The following KLHL13 variants were observed in gnomAD, a reference collection of about 807,000 sequenced individuals.
KLHL13 encodes kelch-like protein 13.
In KLHL13, 10 loss-of-function variants were observed where a neutral mutation model predicts 37.1. The ratio of observed to expected loss-of-function variants is 0.27; its 90% CI spans 0.17 to 0.46. KLHL13 has a LOEUF of 0.46. Ranked by LOEUF, KLHL13 falls within the 20% of genes least tolerant of loss-of-function variation. The pLI, the probability that KLHL13 is intolerant of heterozygous loss-of-function variation, is 1.00. For missense variants in KLHL13, 360 were observed against 509.3 expected, an observed-to-expected ratio of 0.71 and a Z score of 2.82; for synonymous variants, 163 against 181.2, an observed-to-expected ratio of 0.90 and a Z score of 0.81.
intron 1 of KLHL13, among the ~76,000 whole-genome samples, chrX:118,099,495 C>T (rs943885171): frequency 9.0e-6 from 1 of 111,371 alleles, no homozygotes; most frequent in African/African-American, 3.3e-5. Context: ...TGAGTTAAGT[C>T]CAAGTGTACA....
In KLHL13 at chrX:118,006,197, T is replaced by C. The variant is rs567102872; in HGVS notation, c.-55-60622A>G. 1.4e-4 allele frequency among the ~76,000 whole-genome samples: 16 copies of C among 111,922 alleles called. No homozygotes were observed. In the South Asian group the frequency reaches 1.5e-3, roughly 10 times the overall value. On this transcript the variant is annotated intron_variant, in intron 1 of 6. Coordinates refer to the KLHL13 transcript ENST00000371882. ...TATTTAGATAAGAGGGAAAGTATTTTACATACAAAAATGGTGGTAAAGGCT... is the reference window on the plus strand; with the variant it reads ...TATTTAGATAAGAGGGAAAGTATTTCACATACAAAAATGGTGGTAAAGGCT...
chrX:117,958,980 T>C (rs774730010), intron 1 of KLHL13, among the ~76,000 whole-genome samples: 39 of 111,982 alleles, frequency 3.5e-4, no homozygotes, highest in Middle Eastern at 4.6e-3. Context: ...TCTGCAGGGC[T>C]GGATCAGCAA....
intron 1 of KLHL13, among the ~76,000 whole-genome samples, chrX:118,082,977 A>G (rs2055013012): frequency 1.8e-5 from 2 of 111,748 alleles, no homozygotes; most frequent in East Asian, 2.8e-4. Flanking sequence ...TTATGCCAGT[A>G]CCGTGCTGTT....
chrX:118,010,914 A>C (rs1338101158), intron 1 of KLHL13, among the ~76,000 whole-genome samples: 1 of 107,896 alleles, frequency 9.3e-6, no homozygotes, highest in Non-Finnish European at 1.9e-5. Context: ...TTCTAAAAAA[A>C]ATACAAAAAT....
At chrX:118,106,406 C>T (rs780161409) in intron 1 of KLHL13, among the ~76,000 whole-genome samples, 2 of 111,392 alleles carry the variant, frequency 1.8e-5, no homozygotes, top group African/African-American at 6.5e-5. Context: ...AAGGTTTGAG[C>T]TAATGACCTA....
rs34324030 is a variant in KLHL13 at position 117,909,941 on chromosome X, G to A, written c.726C>T (p.Phe242=). Reference sequence around the variant, plus strand: ...GCTTAAGGCTATTACTGGAAAGCACGAAGGCAAGACGCTCAAAAGGGAGTT... The same window carrying A: ...GCTTAAGGCTATTACTGGAAAGCACAAAGGCAAGACGCTCAAAAGGGAGTT... The change falls in exon 5 of 7, where the codon TTC becomes TTT. Residue 242 remains phenylalanine (F), a synonymous_variant. Coordinates refer to ENST00000262820, the Ensembl canonical transcript of KLHL13. The A allele has an allele frequency of 2.1e-3, 2,567 of 1,210,069 alleles. 31 individuals carry two copies. The African/African-American group carries it at 0.04, about 19-fold the overall frequency.
At chrX:118,089,542 T>G (rs2055093703) in intron 1 of KLHL13, among the ~76,000 whole-genome samples, 1 of 100,736 alleles carries the variant, frequency 9.9e-6, no homozygotes, top group Non-Finnish European at 2.0e-5. Context: ...ACAGAAAGTT[T>G]CATTCATAGG....
intron 1 of KLHL13, among the ~76,000 whole-genome samples, chrX:118,092,870 C>T (rs1415267131): frequency 9.0e-6 from 1 of 111,714 alleles, no homozygotes; most frequent in Admixed American, 9.5e-5. Flanking sequence ...GACAGGTACC[C>T]AGGACCTCTC....
At chrX:118,002,596 AAATAAATAAAT>A (rs2053936777) in intron 1 of KLHL13, among the ~76,000 whole-genome samples, 1 of 43,136 alleles carries the variant, frequency 2.3e-5, no homozygotes, top group Non-Finnish European at 4.1e-5. Context: ...TCTGTCTCGA[AAATAAATAAAT>A]AAATAAATAA....
At chrX:118,033,569 C>G (rs192210646) in intron 1 of KLHL13, among the ~76,000 whole-genome samples, 2 of 110,228 alleles carry the variant, frequency 1.8e-5, no homozygotes, top group African/African-American at 6.6e-5. Context: ...CAGGCCTGCC[C>G]TAAAACAGAT....
At chrX:118,032,001 A>T (rs1262996502) in intron 1 of KLHL13, among the ~76,000 whole-genome samples, 1 of 110,857 alleles carries the variant, frequency 9.0e-6, no homozygotes, top group Non-Finnish European at 1.9e-5. Context: ...AGAAAATCGC[A>T]TCACTCCCAC....
At chrX:117,956,309 G>A (rs185475231) in intron 1 of KLHL13, among the ~76,000 whole-genome samples, 2 of 111,609 alleles carry the variant, frequency 1.8e-5, no homozygotes, top group African/African-American at 6.5e-5. Context: ...GATTTGGGGA[G>A]GGGCTATTCC....
chrX:118,070,735 T>C (rs2054850578), intron 1 of KLHL13, among the ~76,000 whole-genome samples: 1 of 102,576 alleles, frequency 9.7e-6, no homozygotes, highest in Admixed American at 1.0e-4. Flanking sequence ...TTTTTTTTAA[T>C]TTTTAAATAT....
At chrX:117,966,140 G>T (rs2053424757) in intron 1 of KLHL13, among the ~76,000 whole-genome samples, 1 of 111,808 alleles carries the variant, frequency 8.9e-6, no homozygotes, top group Non-Finnish European at 1.9e-5. Flanking sequence ...CAACATGATT[G>T]TATATCTAGA....
intron 1 of KLHL13, among the ~76,000 whole-genome samples, chrX:118,021,675 T>C (rs1334019115): frequency 1.8e-5 from 2 of 109,543 alleles, no homozygotes; most frequent in Admixed American, 9.6e-5. Flanking sequence ...GTCTTTGCTA[T>C]TGTGAATAGT....
intron 1 of KLHL13, among the ~76,000 whole-genome samples, chrX:118,052,341 G>C (rs1251218494): frequency 5.6e-5 from 4 of 71,157 alleles, no homozygotes; most frequent in Non-Finnish European, 1.1e-4. Flanking sequence ...GTGAAACCCC[G>C]TCTCTACTAA....
At chrX:118,105,241 A>C (rs991568659) in intron 1 of KLHL13, among the ~76,000 whole-genome samples, 3 of 112,561 alleles carry the variant, frequency 2.7e-5, no homozygotes, top group Non-Finnish European at 5.6e-5. Flanking sequence ...ATTTCTCTAG[A>C]ATCTGTTTTC....
chrX:118,045,124 A>G (rs142495284), intron 1 of KLHL13, among the ~76,000 whole-genome samples: 9,270 of 111,236 alleles, frequency 0.083, 345 homozygotes, highest in Middle Eastern at 0.14. Flanking sequence ...CTGTAATCCC[A>G]GCACTTTGAG....
chrX:117,916,966 G>GA (rs2147678189), intron 4 of KLHL13, among the ~76,000 whole-genome samples: 1 of 111,771 alleles, frequency 8.9e-6, no homozygotes, highest in African/African-American at 3.2e-5. Context: ...ATAGTATCTT[G>GA]AGATGTTCAG....
Sources: gnomAD v4.1 joint callset for allele counts (sites outside exome capture counted in the v4.1 genomes callset) on GRCh38, gnomAD v4.1.1 for gene constraint, MANE v1.5 for transcripts, NCBI Gene and HGNC (gene_info 2026-07-23, HGNC 2026-07-21) for gene names.